The following IMMT variants were observed in gnomAD, a reference collection of about 807,000 sequenced individuals.
IMMT encodes inner membrane mitochondrial protein, also known as MICOS complex subunit MIC60.
Under a neutral mutation model 92.7 loss-of-function variants are expected in IMMT, and 40 were observed. That is an observed-to-expected ratio of 0.43 (90% CI 0.34 to 0.56). The LOEUF (loss-of-function observed/expected upper bound fraction) is 0.56. Among genes scored for constraint, IMMT ranks in the 20% least tolerant of loss-of-function variants. The pLI is 0.03. For synonymous variants in IMMT, 322 were observed against 336.1 expected, an observed-to-expected ratio of 0.96 and a Z score of 0.46; for missense variants, 831 against 912.1, an observed-to-expected ratio of 0.91 and a Z score of 1.14.
At chr2:86,169,965 T>C (rs1054780706) in intron 6 of IMMT, among the ~76,000 whole-genome samples, 1 of 152,196 alleles carries the variant, frequency 6.6e-6, no homozygotes, top group Non-Finnish European at 1.5e-5. Flanking sequence ...CAGCGATGTG[T>C]AGAACATTCC....
At chr2:86,193,751 A>G (rs1166969541) in intron 1 of IMMT, among the ~76,000 whole-genome samples, 1 of 152,216 alleles carries the variant, frequency 6.6e-6, no homozygotes, top group Non-Finnish European at 1.5e-5. Context: ...AGAATAAACC[A>G]AAGAATTTTA....
rs1672423745 is a variant in IMMT at position 86,181,376 on chromosome 2, A to G, written c.46-4T>C. 1 of 1,611,254 alleles carries G rather than the reference A, an allele frequency of 6.2e-7. No individual in the cohort carries two copies. The highest frequency in any genetic ancestry group is 8.5e-7 in the Non-Finnish European group (1 of 1,177,618). The stretch of plus-strand genomic sequence containing the variant: ...CAAACTTCCCACAGAGACAACTCTA[A>G]AGAAGGAAAACACATCACAACCAAT... On this transcript the variant is annotated splice_polypyrimidine_tract_variant and splice_region_variant and intron_variant, in intron 1 of 14. Coordinates refer to ENST00000410111, the MANE Select transcript of IMMT (RefSeq NM_006839.3).
chr2:86,189,187 C>T (rs1166933877), intron 1 of IMMT, among the ~76,000 whole-genome samples: 1 of 151,756 alleles, frequency 6.6e-6, no homozygotes, highest in Admixed American at 6.6e-5. Context: ...GCTTCTAACC[C>T]GCAGAAACGT....
intron 12 of IMMT, among the ~76,000 whole-genome samples, chr2:86,148,533 AC>A (rs1159669148): frequency 2.6e-5 from 4 of 152,166 alleles, no homozygotes; most frequent in Admixed American, 2.6e-4. Flanking sequence ...AATGGCGTGA[AC>A]CGAGGAGGCA....
chr2:86,153,492 CAA>C (rs765563346), intron 11 of IMMT, 66 bp downstream of exon 11: 1 of 842,996 alleles, frequency 1.2e-6, no homozygotes, highest in Non-Finnish European at 1.8e-6. Context: ...ATAGGCACAA[CAA>C]AAAGACTTTA....
At position 86,173,580 on chromosome 2, in the gene IMMT, C is replaced by T. The variant is rs372701816; in HGVS notation, c.421+70G>A. ...AGGCAACAAGAGCGAAACTCCATCT[C>T]AAAAAAAAAAAAAGAATTGGTGAAG... On this transcript the variant is annotated intron_variant, in intron 4 of 14. Transcript: ENST00000410111. The T allele has an allele frequency of 6.0e-5, 46 of 772,726 alleles. No homozygotes were observed. The African/African-American group carries it at 8.5e-4, about 14-fold the overall frequency. 47.9% of individuals were successfully genotyped at this position (772,726 alleles called of 1,614,324 possible). A position where few individuals can be genotyped will look rare whatever the true frequency, so the allele number is the denominator to read the frequency against.
At chr2:86,163,986 T>C (rs1181459188) in intron 7 of IMMT, among the ~76,000 whole-genome samples, 1 of 129,902 alleles carries the variant, frequency 7.7e-6, no homozygotes, top group South Asian at 2.4e-4. Flanking sequence ...CTATGTAAAA[T>C]TTTGCAAAGT....
chr2:86,177,116 C>T (rs1407780403), intron 3 of IMMT, among the ~76,000 whole-genome samples: 1 of 152,098 alleles, frequency 6.6e-6, no homozygotes, highest in South Asian at 2.1e-4. Flanking sequence ...TAGGATGGGT[C>T]TCTAGATCAT....
chr2:86,159,080 CA>C lies in IMMT; in HGVS notation c.1033-360del, dbSNP rs554066311. Among the ~76,000 whole-genome samples the C allele has an allele frequency of 7.3e-3, 1,041 of 143,294 alleles. 15 individuals carry two copies. Among genetic ancestry groups the C allele is most frequent in the African/African-American group, 0.024 (936 of 38,970 alleles). 94.0% of individuals were successfully genotyped at this position (143,294 alleles called of 152,430 possible). On this transcript the variant is annotated intron_variant, in intron 9 of 14. Coordinates refer to ENST00000410111, the MANE Select transcript of IMMT (RefSeq NM_006839.3). ...CAATCCACTTGGTTGGTGTCCAAGGCAAAAAAAAAAAATTTTTTTTTTTTTG... is the reference window on the plus strand; with the variant it reads ...CAATCCACTTGGTTGGTGTCCAAGGCAAAAAAAAAAATTTTTTTTTTTTTG...
rs1170808184 is a variant in IMMT at position 86,147,822 on chromosome 2, G to T, written c.1413C>A (p.Val471=). ...TCATTTCATTTTCCATGGCATCTCT[G>T]ACTTCTTCTATCTGTGAAACCAAAC... The part of the protein sequence containing the change: ...QAEQDRKIEE[V]RDAMENEMRT... The change falls in exon 13 of 15, where the codon GTC becomes GTA. Residue 471 remains valine, a synonymous_variant. Coordinates refer to ENST00000410111, the MANE Select transcript of IMMT (RefSeq NM_006839.3). The T allele has an allele frequency of 6.2e-7, 1 of 1,613,516 alleles. No individual in the cohort carries two copies.
intron 14 of IMMT, among the ~76,000 whole-genome samples, chr2:86,145,299 A>G (rs2104505879): frequency 6.6e-6 from 1 of 152,194 alleles, no homozygotes; most frequent in Middle Eastern, 3.4e-3. Context: ...GTTCAGGACT[A>G]GCCTGGCCAA....
rs1672419113 is a variant in IMMT, at chr2:86,181,307, G to A, written c.111C>T (p.Gly37=). ...LRPCRRYSTS[G]SSGLTTGKIA... ...GGAGACATAATACATACCCAGAGCTGCCTGAAGTAGAGTATCTGCGGCATG... is the reference window on the plus strand; with the variant it reads ...GGAGACATAATACATACCCAGAGCTACCTGAAGTAGAGTATCTGCGGCATG... Residue 37 remains glycine, a synonymous_variant, in exon 2 of 15, where the codon GGC becomes GGT. Transcript: ENST00000410111. 1.9e-6 allele frequency: 3 copies of A among 1,612,810 alleles called. No individual in the cohort carries two copies. The highest frequency in any genetic ancestry group is 2.2e-5 in the East Asian group (1 of 44,886).
chr2:86,185,081 G>A (rs1021603026), intron 1 of IMMT, among the ~76,000 whole-genome samples: 2 of 151,932 alleles, frequency 1.3e-5, no homozygotes, highest in East Asian at 3.9e-4. Flanking sequence ...CCAGCTACTC[G>A]GGAGGCTGAG....
intron 13 of IMMT, 64 bp downstream of exon 13, chr2:86,147,633 AAAAGG>A (rs1675120059): frequency 6.8e-7 from 1 of 1,481,418 alleles, no homozygotes; most frequent in South Asian, 1.3e-5. Context: ...AGAGTACATT[AAAAGG>A]AAAGGAGAGT....
At chr2:86,192,233 TAC>T (rs137932603) in intron 1 of IMMT, among the ~76,000 whole-genome samples, 1 of 151,132 alleles carries the variant, frequency 6.6e-6, no homozygotes, top group Non-Finnish European at 1.5e-5. Flanking sequence ...ACCCTATCTC[TAC>T]ACACACACAC....
chr2:86,167,258 G>A (rs1437235041), intron 6 of IMMT, among the ~76,000 whole-genome samples: 78 of 136,952 alleles, frequency 5.7e-4, no homozygotes, highest in Non-Finnish European at 9.9e-4. Context: ...TGCAAGCTCC[G>A]CCTCCCGGGT....
chr2:86,191,747 CAAAAAA>C (rs572412565), intron 1 of IMMT, among the ~76,000 whole-genome samples: 10,326 of 116,880 alleles, frequency 0.088, 1,289 homozygotes, highest in African/African-American at 0.32. Context: ...ACTAAAAATA[CAAAAAA>C]AAAAAAAAAA....
At chr2:86,171,858 A>ATTTT (rs201083595) in intron 4 of IMMT, among the ~76,000 whole-genome samples, 7 of 119,276 alleles carry the variant, frequency 5.9e-5, no homozygotes, top group Non-Finnish European at 1.2e-4. Flanking sequence ...ATATATATAT[A>ATTTT]TATATTTTTT....
chr2:86,183,521 G>A (rs935813281), intron 1 of IMMT, among the ~76,000 whole-genome samples: 3 of 152,052 alleles, frequency 2.0e-5, no homozygotes, highest in African/African-American at 7.2e-5. Context: ...GACAGAATGT[G>A]TTTTGACTAT....
Sources: allele counts gnomAD v4.1 joint callset (sites outside exome capture counted in the v4.1 genomes callset), GRCh38; gene constraint gnomAD v4.1.1; transcripts MANE v1.5; gene names NCBI Gene and HGNC (gene_info 2026-07-23, HGNC 2026-07-21).